CRACD: variants seen among roughly 807,000 people sequenced by gnomAD.
CRACD encodes capping protein inhibiting regulator of actin dynamics.
CRACD carries 56 observed loss-of-function variants against 106.8 expected under a neutral mutation model. That is an observed-to-expected ratio of 0.52 (90% CI 0.42 to 0.66). The LOEUF is 0.66. CRACD is among the 30% of genes least tolerant of loss of function. CRACD has a pLI of 0.00. For synonymous variants in CRACD, 754 were observed against 670.8 expected (o/e 1.12, Z -1.92); for missense variants, 1,730 against 1,623.2 (o/e 1.07, Z -1.13).
chr4:56,190,190 G>A (rs544297587), intron 2 of CRACD, among the ~76,000 whole-genome samples: 161 of 151,994 alleles, frequency 1.1e-3, no homozygotes, highest in African/African-American at 3.7e-3. Flanking sequence ...TGGTGTATAT[G>A]TGCCACATTT....
At chr4:56,207,610 T>C (rs2109485039) in intron 2 of CRACD, among the ~76,000 whole-genome samples, 1 of 151,980 alleles carries the variant, frequency 6.6e-6, no homozygotes, top group Admixed American at 6.6e-5. Flanking sequence ...AATAAAAGTA[T>C]AATCCATGAG....
At chr4:56,187,138 A>G (rs1737124669) in intron 2 of CRACD, among the ~76,000 whole-genome samples, 1 of 152,148 alleles carries the variant, frequency 6.6e-6, no homozygotes. Context: ...TGCCCTAGCA[A>G]ATACTTAGGG....
At chr4:56,289,115 G>A (rs184943044) in intron 3 of CRACD, among the ~76,000 whole-genome samples, 30 of 152,270 alleles carry the variant, frequency 2.0e-4, no homozygotes, top group African/African-American at 5.5e-4. Flanking sequence ...CAGGGACTGC[G>A]GAGAGGGGAG....
intron 5 of CRACD, 76 bp downstream of exon 5, chr4:56,307,775 C>A (rs942336609): frequency 5.5e-6 from 8 of 1,458,744 alleles, no homozygotes; most frequent in Non-Finnish European, 7.6e-6. Context: ...ACCCTGGGGT[C>A]TGCAGCAGGG....
chr4:56,225,596 T>C (rs956990759), intron 2 of CRACD, among the ~76,000 whole-genome samples: 4 of 152,194 alleles, frequency 2.6e-5, no homozygotes, highest in African/African-American at 4.8e-5. Context: ...TTATTCTTTG[T>C]ATAATATTTG....
intron 2 of CRACD, among the ~76,000 whole-genome samples, chr4:56,224,402 G>A (rs1739192770): frequency 6.6e-6 from 1 of 152,176 alleles, no homozygotes; most frequent in Non-Finnish European, 1.5e-5. Flanking sequence ...ACTGGTGGAA[G>A]CCATTGCTTC....
chr4:56,180,633 A>G (rs968851111), intron 2 of CRACD, among the ~76,000 whole-genome samples: 4 of 152,216 alleles, frequency 2.6e-5, no homozygotes, highest in African/African-American at 9.6e-5. Context: ...GATCAAAGGA[A>G]ATAAAATAAC....
intron 3 of CRACD, among the ~76,000 whole-genome samples, chr4:56,288,912 G>A (rs1052426451): frequency 6.6e-6 from 1 of 152,150 alleles, no homozygotes; most frequent in African/African-American, 2.4e-5. Context: ...AACGTGATAT[G>A]TACATACAAT....
At chr4:56,227,018 G>A (rs930893279) in intron 2 of CRACD, among the ~76,000 whole-genome samples, 2 of 151,770 alleles carry the variant, frequency 1.3e-5, no homozygotes, top group African/African-American at 4.8e-5. Context: ...GCAGATACTG[G>A]CACCATACTT....
At position 56,179,264 on chromosome 4, in the gene CRACD, T is replaced by G. The variant is rs1030356176; in HGVS notation, c.-335-20T>G. ...GATTGAAGACATAAAGTTCTTAATGTTTTTTTTTTTTCTCAACAGCTTACA... is the reference window on the plus strand; with the variant it reads ...GATTGAAGACATAAAGTTCTTAATGGTTTTTTTTTTTCTCAACAGCTTACA... On this transcript the variant is annotated intron_variant, in intron 1 of 10. Transcript: ENST00000682029. 9.0e-5 allele frequency: 11 copies of G among 122,496 alleles called. No homozygotes were observed. The highest frequency in any genetic ancestry group is 1.6e-4 in the Non-Finnish European group (10 of 63,848). 7.6% of individuals were successfully genotyped at this position (122,496 alleles called of 1,614,324 possible).
chr4:56,139,854 C>G (rs1189816469), intron 1 of CRACD, among the ~76,000 whole-genome samples: 1 of 152,070 alleles, frequency 6.6e-6, no homozygotes. Context: ...CGTAACTATT[C>G]TCCACATATT....
At chr4:56,296,484 A>G (rs1744046560) in intron 3 of CRACD, among the ~76,000 whole-genome samples, 1 of 152,156 alleles carries the variant, frequency 6.6e-6, no homozygotes, top group Non-Finnish European at 1.5e-5. Flanking sequence ...ACTAGATGAT[A>G]AAATTTGGTA....
chr4:56,327,019 C>T (rs1568392), intron 10 of CRACD, among the ~76,000 whole-genome samples: 6,492 of 152,146 alleles, frequency 0.043, 413 homozygotes, highest in African/African-American at 0.15. Flanking sequence ...AGATTACAGG[C>T]GTGATCCACC....
At chr4:56,270,130 T>C (rs1006529600) in intron 2 of CRACD, among the ~76,000 whole-genome samples, 2 of 152,240 alleles carry the variant, frequency 1.3e-5, no homozygotes, top group African/African-American at 4.8e-5. Context: ...CTTTTTGTAA[T>C]TGGTTATTAT....
intron 2 of CRACD, among the ~76,000 whole-genome samples, chr4:56,261,691 A>G (rs1741715445): frequency 6.6e-6 from 1 of 152,124 alleles, no homozygotes; most frequent in Non-Finnish European, 1.5e-5. Context: ...TCTCCTGTGA[A>G]CTGTGAAACA....
chr4:56,241,576 A>G (rs1740369282), intron 2 of CRACD, among the ~76,000 whole-genome samples: 1 of 152,206 alleles, frequency 6.6e-6, no homozygotes, highest in Admixed American at 6.5e-5. Context: ...GGCATGGTTA[A>G]TAGATGCTAG....
chr4:56,183,644 T>G (rs13114859), intron 2 of CRACD, among the ~76,000 whole-genome samples: 37,820 of 152,214 alleles, frequency 0.25, 5,865 homozygotes, highest in Non-Finnish European at 0.33. Flanking sequence ...GTGTTAAGTC[T>G]GGGAGGTGAG....
At chr4:56,081,004 C>A (rs1733002865) in intron 1 of CRACD, among the ~76,000 whole-genome samples, 1 of 152,130 alleles carries the variant, frequency 6.6e-6, no homozygotes, top group Non-Finnish European at 1.5e-5. Context: ...ACCTGCATAA[C>A]TGTTTTTTGT....
At chr4:56,054,849 A>C (rs1233877902) in intron 1 of CRACD, among the ~76,000 whole-genome samples, 1 of 152,246 alleles carries the variant, frequency 6.6e-6, no homozygotes, top group Non-Finnish European at 1.5e-5. Context: ...AAATGGAAAC[A>C]TAAATATTTC....
Sources: allele counts gnomAD v4.1 joint callset (sites outside exome capture counted in the v4.1 genomes callset), GRCh38; gene constraint gnomAD v4.1.1; transcripts MANE v1.5; gene names NCBI Gene and HGNC (gene_info 2026-07-23, HGNC 2026-07-21).